WDR7: variants seen among roughly 807,000 people sequenced by gnomAD.
WDR7 encodes WD repeat domain 7, also known as WD repeat-containing protein 7.
In WDR7, 46 loss-of-function variants were observed where a neutral mutation model predicts 169.4. The observed-to-expected ratio is 0.27, with a 90% CI of 0.21 to 0.35. The LOEUF is 0.35. WDR7 is among the 10% of genes least tolerant of loss of function. WDR7 has a pLI of 1.00. For synonymous variants in WDR7, 612 were observed against 666.8 expected (o/e 0.92, Z 1.27); for missense variants, 1,534 against 1,859.3 (o/e 0.83, Z 3.22).
chr18:56,965,645 G>A (rs2047398526), intron 26 of WDR7, among the ~76,000 whole-genome samples: 1 of 151,932 alleles, frequency 6.6e-6, no homozygotes, highest in South Asian at 2.1e-4. Flanking sequence ...TTTATATATT[G>A]TCTACTACAA....
At position 56,938,686 on chromosome 18, in the gene WDR7, A is replaced by C; in HGVS notation, c.3981+4A>C. ...TGTTGTGGATCTTCTCGTGGAGGTA[A>C]GAATATCCTGTTTTAAATGATCCAT... is the stretch of plus-strand genomic sequence containing the variant. On this transcript the variant is annotated splice_donor_region_variant and intron_variant, in intron 24 of 27. Transcript: ENST00000254442. 6.2e-7 allele frequency: 1 copy of C among 1,613,392 alleles called. No homozygotes were observed. Among genetic ancestry groups the C allele is most frequent in the Non-Finnish European group, 8.5e-7 (1 of 1,179,738 alleles).
chr18:56,929,197 G>A (rs939004663), intron 22 of WDR7, among the ~76,000 whole-genome samples: 5 of 151,954 alleles, frequency 3.3e-5, no homozygotes, highest in African/African-American at 1.2e-4. Flanking sequence ...GATCACTTGA[G>A]CACAGGAGGT....
intron 25 of WDR7, among the ~76,000 whole-genome samples, chr18:56,943,112 G>A (rs1353186071): frequency 6.6e-6 from 1 of 152,112 alleles, no homozygotes; most frequent in Non-Finnish European, 1.5e-5. Context: ...TTTTTACTAG[G>A]TTAATATATG....
chr18:56,916,877 C>T (rs1245154009), intron 21 of WDR7, among the ~76,000 whole-genome samples: 1 of 152,112 alleles, frequency 6.6e-6, no homozygotes, highest in Non-Finnish European at 1.5e-5. Flanking sequence ...GCCTGGCCAA[C>T]ATGGTGAAAC....
intron 12 of WDR7, among the ~76,000 whole-genome samples, chr18:56,713,724 GC>G (rs767433155): frequency 2.0e-5 from 3 of 152,292 alleles, no homozygotes; most frequent in Non-Finnish European, 4.4e-5. Context: ...ATGAGTCATT[GC>G]AGGTGAAATA....
intron 26 of WDR7, among the ~76,000 whole-genome samples, chr18:56,995,479 T>C (rs2047886189): frequency 6.6e-6 from 1 of 152,216 alleles, no homozygotes; most frequent in East Asian, 1.9e-4. Context: ...GTTCCGTACA[T>C]CACTCATTCT....
chr18:56,889,945 ATAC>A (rs1366467806), intron 21 of WDR7, among the ~76,000 whole-genome samples: 2 of 152,206 alleles, frequency 1.3e-5, no homozygotes, highest in Non-Finnish European at 2.9e-5. Flanking sequence ...GTCTTTAGAA[ATAC>A]TACAATGCTG....
chr18:56,851,154 C>A (rs1314635243), intron 20 of WDR7, among the ~76,000 whole-genome samples: 1 of 152,236 alleles, frequency 6.6e-6, no homozygotes, highest in African/African-American at 2.4e-5. Context: ...TTCTTCAGGG[C>A]GTCCTTTATG....
intron 14 of WDR7, among the ~76,000 whole-genome samples, chr18:56,738,002 C>A (rs1335218747): frequency 6.6e-6 from 1 of 152,012 alleles, no homozygotes; most frequent in Non-Finnish European, 1.5e-5. Flanking sequence ...TGTTTGTCCT[C>A]TGTGGTTATT....
At chr18:56,978,145 G>A (rs1444538085) in intron 26 of WDR7, among the ~76,000 whole-genome samples, 1 of 152,190 alleles carries the variant, frequency 6.6e-6, no homozygotes, top group Non-Finnish European at 1.5e-5. Context: ...CATGTGGACT[G>A]TCCTTCACCC....
At chr18:56,799,691 G>A (rs2044641344) in intron 19 of WDR7, among the ~76,000 whole-genome samples, 1 of 152,174 alleles carries the variant, frequency 6.6e-6, no homozygotes, top group African/African-American at 2.4e-5. Flanking sequence ...CTGATAACAT[G>A]TGGGTGTATA....
chr18:56,805,963 C>A (rs1484655613), intron 19 of WDR7, among the ~76,000 whole-genome samples: 2 of 152,166 alleles, frequency 1.3e-5, no homozygotes, highest in Non-Finnish European at 2.9e-5. Context: ...GGACTTTTAG[C>A]ATACCCTTTC....
chr18:56,730,723 G>T (rs911547733), intron 13 of WDR7, among the ~76,000 whole-genome samples: 1 of 151,996 alleles, frequency 6.6e-6, no homozygotes, highest in Admixed American at 6.6e-5. Flanking sequence ...CCAAGATCGC[G>T]CCATTGCACT....
At position 56,756,683 on chromosome 18, in the gene WDR7, C is replaced by G. The variant is rs1402366510; in HGVS notation, c.2090C>G (p.Ala697Gly). 6.2e-7 allele frequency: 1 copy of G among 1,614,062 alleles called. No individual in the cohort carries two copies. Among genetic ancestry groups the G allele is most frequent in the Admixed American group, 1.7e-5 (1 of 60,016 alleles). ...DIHVLFFDVE[A>G]LIIQLLTEEA... The stretch of plus-strand genomic sequence containing the variant: ...CATGTGCTATTCTTTGATGTGGAAG[C>G]GTTGATTATTCAACTCCTGACTGAA... Residue 697 changes from alanine (A) to glycine (G), a missense_variant, in exon 15 of 28, where the codon GCG becomes GGG. By Grantham distance (60) the Ala-to-Gly change is moderately conservative. Coordinates refer to ENST00000254442, the MANE Select transcript of WDR7 (RefSeq NM_015285.3).
chr18:56,960,566 A>G (rs1310926794), intron 25 of WDR7, among the ~76,000 whole-genome samples: 1 of 152,208 alleles, frequency 6.6e-6, no homozygotes, highest in Non-Finnish European at 1.5e-5. Flanking sequence ...GTACCATAAT[A>G]AGACATACAT....
chr18:57,001,496 A>G (rs2047978934), intron 26 of WDR7, among the ~76,000 whole-genome samples: 1 of 152,030 alleles, frequency 6.6e-6, no homozygotes, highest in Non-Finnish European at 1.5e-5. Flanking sequence ...GCTCCAACTC[A>G]CTCTTTCCTG....
At chr18:56,840,010 C>A (rs571636741) in intron 20 of WDR7, among the ~76,000 whole-genome samples, 78 of 152,134 alleles carry the variant, frequency 5.1e-4, no homozygotes, top group Non-Finnish European at 9.3e-4. Flanking sequence ...TGTGGTGAGC[C>A]AAGATCGCGC....
At chr18:56,730,787 TAAATA>T (rs2026568348) in intron 13 of WDR7, among the ~76,000 whole-genome samples, 1 of 151,476 alleles carries the variant, frequency 6.6e-6, no homozygotes, top group Non-Finnish European at 1.5e-5. Context: ...AAATAAAAAA[TAAATA>T]AATAAATAAG....
At chr18:56,815,616 C>G (rs1247877058) in intron 19 of WDR7, among the ~76,000 whole-genome samples, 1 of 152,216 alleles carries the variant, frequency 6.6e-6, no homozygotes, top group Non-Finnish European at 1.5e-5. Context: ...CTGTCTTCAT[C>G]TTTCCTCCCA....
Sources: gnomAD v4.1 joint callset for allele counts (sites outside exome capture counted in the v4.1 genomes callset) on GRCh38, gnomAD v4.1.1 for gene constraint, MANE v1.5 for transcripts, NCBI Gene and HGNC (gene_info 2026-07-23, HGNC 2026-07-21) for gene names.